ZNF705B: variants seen among roughly 807,000 people sequenced by gnomAD.
The protein encoded by ZNF705B is Putative zinc finger protein 705D-like protein LOC100132396.
Under a neutral mutation model 10.5 loss-of-function variants are expected in ZNF705B, and 1 was observed. The ratio of observed to expected loss-of-function variants is 0.10; its 90% CI spans 0.03 to 0.45. The LOEUF is 0.45. ZNF705B is among the 20% of genes least tolerant of loss of function. The probability of loss-of-function intolerance (pLI) is 0.97; values close to 1 mark genes in which losing one functional copy is unlikely to be tolerated. For missense variants in ZNF705B, 14 were observed against 84.0 expected (o/e 0.17, Z 3.26); for synonymous variants, 4 against 25.4 (o/e 0.16, Z 2.53).
At chr8:7,934,721 T>TG (rs1211087723) in intron 2 of ZNF705B, 17 of 108,846 alleles carry the variant, frequency 1.6e-4, no homozygotes, top group African/African-American at 2.3e-4. Context: ...TGTGTGTGTG[T>TG]TATTTGATTT....
intron 1 of ZNF705B, among the ~76,000 whole-genome samples, chr8:7,926,635 A>G (rs1170724126): frequency 2.0e-5 from 2 of 99,984 alleles, no homozygotes; most frequent in African/African-American, 5.7e-5. Flanking sequence ...CTAATCCCCA[A>G]TGCAATAGTG....
At chr8:7,932,007 C>T (rs1819862979) in intron 2 of ZNF705B, among the ~76,000 whole-genome samples, 1 of 120,528 alleles carries the variant, frequency 8.3e-6, no homozygotes, top group African/African-American at 2.5e-5. Context: ...CTTTTGGGGG[C>T]TGGGCTCTCA....
At chr8:7,931,373 C>T (rs139980463) in intron 2 of ZNF705B, among the ~76,000 whole-genome samples, 4,568 of 120,490 alleles carry the variant, frequency 0.038, 311 homozygotes, top group African/African-American at 0.11. Context: ...GCCGTGATGG[C>T]AGGATGGGAA....
chr8:7,937,701 C>T lies in ZNF705B; in HGVS notation c.-72+7265C>T, dbSNP rs77564830. ...AGGATAATAATCTTATGTCAGTCCC[C>T]GATGTTGTGTGCTACCGAGTTAATA... On this transcript the variant is annotated intron_variant, in intron 2 of 6. Transcript: ENST00000400120. Among the ~76,000 whole-genome samples the T allele has an allele frequency of 8.8e-5, 9 of 102,210 alleles. 1 individual carries two copies. In the East Asian group the frequency reaches 9.0e-4, roughly 10 times the overall value. 67.1% of individuals were successfully genotyped at this position (102,210 alleles called of 152,430 possible). A position where few individuals can be genotyped will look rare whatever the true frequency, so the allele number is the denominator to read the frequency against.
Position 7,944,735 on chromosome 8 carries a change from C to T in ZNF705B, c.-71-2616C>T, listed in dbSNP as rs1376119739. Among the ~76,000 whole-genome samples the T allele has an allele frequency of 2.1e-4, 19 of 89,398 alleles. 1 individual carries two copies. The highest frequency in any genetic ancestry group is 6.8e-4 in the African/African-American group (19 of 27,876). 58.6% of individuals were successfully genotyped at this position (89,398 alleles called of 152,430 possible). A position where few individuals can be genotyped will look rare whatever the true frequency, so the allele number is the denominator to read the frequency against. On this transcript the variant is annotated intron_variant, in intron 2 of 6. Coordinates refer to ENST00000400120, the MANE Select transcript of ZNF705B (RefSeq NM_001193630.1). ...CCTGTAATCCCAACACTTTGAGAGG[C>T]GGAGACTGGCGGATCACCTGAGGTC...
chr8:7,930,825 A>G (rs1239916315), intron 2 of ZNF705B, among the ~76,000 whole-genome samples: 2 of 107,578 alleles, frequency 1.9e-5, no homozygotes, highest in Non-Finnish European at 4.5e-5. Context: ...CACGGCAAAG[A>G]TGTGTTGTGT....
chr8:7,932,225 C>G (rs1231755072), intron 2 of ZNF705B, among the ~76,000 whole-genome samples: 1 of 121,092 alleles, frequency 8.3e-6, no homozygotes, highest in African/African-American at 2.5e-5. Context: ...TCTTTTTTAC[C>G]TTTTCACCAC....
intron 2 of ZNF705B, among the ~76,000 whole-genome samples, chr8:7,932,100 A>G (rs1819864890): frequency 8.3e-6 from 1 of 120,738 alleles, no homozygotes; most frequent in Admixed American, 9.5e-5. Flanking sequence ...GACAATGACC[A>G]TCACATAGAC....
intron 1 of ZNF705B, among the ~76,000 whole-genome samples, chr8:7,927,354 T>G (rs1819720771): frequency 8.2e-6 from 1 of 121,226 alleles, no homozygotes; most frequent in Non-Finnish European, 2.0e-5. Context: ...ATTTCAGGTA[T>G]CCAGAAGTTG....
intron 2 of ZNF705B, among the ~76,000 whole-genome samples, chr8:7,941,072 C>G (rs1820144566): frequency 1.3e-5 from 2 of 149,462 alleles, no homozygotes; most frequent in South Asian, 4.4e-4. Context: ...ACCACATTTT[C>G]TTTATCCAGT....
In ZNF705B at chr8:7,950,678, C is replaced by T; in HGVS notation, c.249C>T (p.Ala83=). 2 of 882,920 alleles carry T rather than the reference C, an allele frequency of 2.3e-6. 1 individual carries two copies. Among genetic ancestry groups the T allele is most frequent in the South Asian group, 3.6e-5 (2 of 55,366 alleles). The allele number at this position is 882,920 out of a possible 1,614,324, so 54.7% of individuals were successfully genotyped here. ...CAATTATTTCAGACAGGGAAAGTGC[C>T]CTTAAGAAAAAACACATGATATCCA... is the stretch of plus-strand genomic sequence containing the variant. ...LQDQNPDRES[A]LKKKHMISMH... Residue 83 remains alanine, a synonymous_variant, in exon 6 of 7, where the codon GCC becomes GCT. Transcript: ENST00000400120.
intron 1 of ZNF705B, among the ~76,000 whole-genome samples, chr8:7,929,361 T>G (rs1285187722): frequency 1.6e-5 from 2 of 121,270 alleles, no homozygotes; most frequent in Non-Finnish European, 4.0e-5. Flanking sequence ...TAAAGGGTGG[T>G]TTTCTTTATA....
rs1819836779 is a variant in ZNF705B at position 7,931,155 on chromosome 8, G to T, written c.-72+719G>T. ...GGTGTGAGTCAGGTGGCTTTCTCAA[G>T]TGCCAGCAGTGACAGTGGTGAGCTC... On this transcript the variant is annotated intron_variant, in intron 2 of 6. Coordinates refer to ENST00000400120, the MANE Select transcript of ZNF705B (RefSeq NM_001193630.1). Among the ~76,000 whole-genome samples, 2 of 121,338 alleles carry T rather than the reference G, an allele frequency of 1.6e-5. 1 individual carries two copies. The highest frequency in any genetic ancestry group is 4.0e-5 in the Non-Finnish European group (2 of 50,550). 79.6% of individuals were successfully genotyped at this position (121,338 alleles called of 152,430 possible).
At chr8:7,933,874 G>C (rs1343746880) in intron 2 of ZNF705B, among the ~76,000 whole-genome samples, 2 of 84,302 alleles carry the variant, frequency 2.4e-5, no homozygotes, top group African/African-American at 6.0e-5. Context: ...CATCTAGATG[G>C]GATAGAAGGA....
chr8:7,930,067 G>C (rs1402782232), intron 1 of ZNF705B, among the ~76,000 whole-genome samples: 2 of 105,784 alleles, frequency 1.9e-5, no homozygotes, highest in African/African-American at 5.5e-5. Flanking sequence ...TGGTGGTTTG[G>C]AGTATGGATC....
intron 1 of ZNF705B, among the ~76,000 whole-genome samples, chr8:7,928,955 G>T (rs1239087270): frequency 7.0e-5 from 8 of 113,954 alleles, no homozygotes; most frequent in South Asian, 3.1e-4. Flanking sequence ...GAAGGCCGCA[G>T]GGCTAGGAAT....
chr8:7,931,803 C>T (rs1819857705), intron 2 of ZNF705B, among the ~76,000 whole-genome samples: 1 of 130,932 alleles, frequency 7.6e-6, no homozygotes, highest in Non-Finnish European at 1.8e-5. Context: ...GGGGCAGCCT[C>T]CCTAGTGAAT....
intron 2 of ZNF705B, among the ~76,000 whole-genome samples, chr8:7,930,713 C>T (rs1192441838): frequency 8.9e-6 from 1 of 111,904 alleles, no homozygotes; most frequent in African/African-American, 2.6e-5. Flanking sequence ...TAATAGTAGG[C>T]ATCACAGCTT....
chr8:7,929,653 G>A (rs570869230), intron 1 of ZNF705B, among the ~76,000 whole-genome samples: 4,962 of 117,722 alleles, frequency 0.042, 82 homozygotes, highest in African/African-American at 0.12. Context: ...TTTGAATCAG[G>A]AATGCAAGCT....
Sources: gnomAD v4.1 joint callset for allele counts (sites outside exome capture counted in the v4.1 genomes callset) on GRCh38, gnomAD v4.1.1 for gene constraint, MANE v1.5 for transcripts, NCBI Gene and HGNC (gene_info 2026-07-23, HGNC 2026-07-21) for gene names.